The following ARHGAP24 variants were observed in gnomAD, a reference collection of about 807,000 sequenced individuals.
ARHGAP24 encodes the protein Rho GTPase activating protein 24.
Under a neutral mutation model 76.4 loss-of-function variants are expected in ARHGAP24, and 50 were observed. The ratio of observed to expected loss-of-function variants is 0.65; its 90% confidence interval spans 0.52 to 0.83. ARHGAP24 has a LOEUF of 0.83. ARHGAP24 is among the 40% of genes least tolerant of loss of function. The pLI is 0.00. For missense variants in ARHGAP24, 930 were observed against 914.2 expected (o/e 1.02, Z -0.22); for synonymous variants, 345 against 323.3 (o/e 1.07, Z -0.72).
chr4:85,912,300 T>C (rs1185246953), intron 3 of ARHGAP24, among the ~76,000 whole-genome samples: 1 of 152,120 alleles, frequency 6.6e-6, no homozygotes, highest in Non-Finnish European at 1.5e-5. Context: ...GGAGTTTAAA[T>C]TCCAGGCCCA....
intron 3 of ARHGAP24, among the ~76,000 whole-genome samples, chr4:85,748,881 G>A (rs1471835122): frequency 2.6e-5 from 4 of 152,280 alleles, no homozygotes; most frequent in Non-Finnish European, 5.9e-5. Flanking sequence ...CTCTGACACA[G>A]TGTTTCTCTC....
At chr4:85,670,851 A>G (rs767683359) in intron 2 of ARHGAP24, among the ~76,000 whole-genome samples, 11 of 152,156 alleles carry the variant, frequency 7.2e-5, no homozygotes, top group Non-Finnish European at 1.0e-4. Flanking sequence ...AGTGGCCCCT[A>G]TGAGCCTCAG....
At chr4:85,561,184 G>A (rs577245854) in intron 1 of ARHGAP24, among the ~76,000 whole-genome samples, 13 of 152,126 alleles carry the variant, frequency 8.5e-5, no homozygotes, top group Non-Finnish European at 1.3e-4. Context: ...CTTTCAGAGC[G>A]GGGTGGTGGT....
intron 1 of ARHGAP24, among the ~76,000 whole-genome samples, chr4:85,529,470 T>C (rs1430352225): frequency 6.6e-6 from 1 of 152,032 alleles, no homozygotes; most frequent in Non-Finnish European, 1.5e-5. Context: ...GGCCAGAAAT[T>C]CTTTGCATCA....
intron 4 of ARHGAP24, among the ~76,000 whole-genome samples, chr4:85,928,634 GTAT>G (rs1392694102): frequency 4.6e-5 from 7 of 151,788 alleles, no homozygotes; most frequent in African/African-American, 1.7e-4. Flanking sequence ...AATTTTTTTT[GTAT>G]TTTTAGTAGA....
chr4:85,981,819 A>G (rs556152730), intron 8 of ARHGAP24, among the ~76,000 whole-genome samples: 3 of 152,232 alleles, frequency 2.0e-5, no homozygotes, highest in Non-Finnish European at 4.4e-5. Context: ...AGACCTTGCC[A>G]TTGGCCACCT....
At chr4:85,553,061 G>C (rs1726207363) in intron 1 of ARHGAP24, among the ~76,000 whole-genome samples, 2 of 152,112 alleles carry the variant, frequency 1.3e-5, no homozygotes, top group African/African-American at 4.8e-5. Flanking sequence ...AGCTTCAGGA[G>C]TGAAGCTGCA....
intron 1 of ARHGAP24, among the ~76,000 whole-genome samples, chr4:85,480,452 A>G (rs1722771158): frequency 6.6e-6 from 1 of 152,218 alleles, no homozygotes; most frequent in South Asian, 2.1e-4. Context: ...GACATGGTTC[A>G]CATCATCTTA....
Position 85,942,545 on chromosome 4 carries a change from T to C in ARHGAP24, c.599+272T>C, listed in dbSNP as rs2148825459. 5 of 356,540 alleles carry C rather than the reference T, an allele frequency of 1.4e-5. No homozygotes were observed. In the South Asian group the frequency reaches 2.2e-4, roughly 16 times the overall value. The allele number at this position is 356,540 out of a possible 1,614,324, so 22.1% of individuals were successfully genotyped here. A position where few individuals can be genotyped will look rare whatever the true frequency, so the allele number is the denominator to read the frequency against. ...GTAAAACTGTATTAAACTTTTGCAC[T>C]GGAAAAAGTGAATTTATAAAATAGG... On this transcript the variant is annotated intron_variant, in intron 5 of 9. Coordinates refer to ENST00000395184, the MANE Select transcript of ARHGAP24 (RefSeq NM_001025616.3).
intron 8 of ARHGAP24, among the ~76,000 whole-genome samples, chr4:85,981,403 A>G (rs527868759): frequency 6.6e-6 from 1 of 152,196 alleles, no homozygotes; most frequent in Non-Finnish European, 1.5e-5. Context: ...TGGTGAGATT[A>G]GTGTTGATAT....
At chr4:85,624,116 A>G (rs578090233) in intron 2 of ARHGAP24, among the ~76,000 whole-genome samples, 1 of 152,298 alleles carries the variant, frequency 6.6e-6, no homozygotes, top group East Asian at 1.9e-4. Flanking sequence ...AGAACTTCCA[A>G]CACTATGTTG....
intron 2 of ARHGAP24, among the ~76,000 whole-genome samples, chr4:85,618,144 A>G (rs1010319007): frequency 9.9e-5 from 15 of 151,968 alleles, no homozygotes; most frequent in African/African-American, 3.4e-4. Context: ...ACATCTCCCC[A>G]TTTCCTGTCT....
intron 5 of ARHGAP24, among the ~76,000 whole-genome samples, chr4:85,967,820 T>G (rs1738717641): frequency 6.6e-6 from 1 of 152,176 alleles, no homozygotes; most frequent in Non-Finnish European, 1.5e-5. Context: ...AAATCTAGTT[T>G]AGTAGATCTT....
At chr4:85,753,542 A>G (rs1726349022) in intron 3 of ARHGAP24, among the ~76,000 whole-genome samples, 1 of 152,200 alleles carries the variant, frequency 6.6e-6, no homozygotes, top group Non-Finnish European at 1.5e-5. Flanking sequence ...CACATGCTTC[A>G]CAGAGTAATA....
chr4:85,841,881 A>T (rs528541574), intron 3 of ARHGAP24, among the ~76,000 whole-genome samples: 16 of 152,186 alleles, frequency 1.1e-4, no homozygotes, highest in Non-Finnish European at 1.8e-4. Context: ...AACAATAATA[A>T]ATAATAGAGT....
intron 3 of ARHGAP24, among the ~76,000 whole-genome samples, chr4:85,871,572 A>T (rs1207685463): frequency 2.0e-5 from 3 of 152,160 alleles, no homozygotes; most frequent in Non-Finnish European, 4.4e-5. Context: ...ACTTCCCCTT[A>T]TTTGGATACC....
intron 5 of ARHGAP24, among the ~76,000 whole-genome samples, chr4:85,966,434 T>C (rs1738612013): frequency 2.0e-5 from 3 of 152,188 alleles, no homozygotes; most frequent in Admixed American, 6.5e-5. Flanking sequence ...TCCTTTGGTT[T>C]TGTATATAAT....
intron 2 of ARHGAP24, among the ~76,000 whole-genome samples, chr4:85,590,307 C>A (rs1578060361): frequency 1.3e-5 from 2 of 149,358 alleles, no homozygotes; most frequent in South Asian, 4.3e-4. Flanking sequence ...CTTCCCTTCC[C>A]TTCCTTTCCT....
intron 3 of ARHGAP24, among the ~76,000 whole-genome samples, chr4:85,801,575 T>C (rs1385179693): frequency 6.6e-6 from 1 of 152,274 alleles, no homozygotes; most frequent in Non-Finnish European, 1.5e-5. Flanking sequence ...CTTATGAGAT[T>C]CCCTAAGTAA....
Sources: gnomAD v4.1 joint callset for allele counts (sites outside exome capture counted in the v4.1 genomes callset) on GRCh38, gnomAD v4.1.1 for gene constraint, MANE v1.5 for transcripts, NCBI Gene and HGNC (gene_info 2026-07-23, HGNC 2026-07-21) for gene names.